The following GSN variants were observed in gnomAD, a reference collection of about 807,000 sequenced individuals.
The protein encoded by GSN is gelsolin.
A neutral mutation model predicts 85.7 loss-of-function variants in GSN; 56 were observed. That is an observed-to-expected ratio of 0.65 (90% confidence interval 0.53 to 0.82). GSN has a LOEUF of 0.82. Ranked by LOEUF, GSN falls within the 40% of genes least tolerant of loss-of-function variation. The probability of loss-of-function intolerance (pLI) is 0.00; values close to 1 mark genes in which losing one functional copy is unlikely to be tolerated. For missense variants in GSN, 857 were observed against 979.8 expected, an observed-to-expected ratio of 0.87 and a Z score of 1.67; for synonymous variants, 373 against 399.1, an observed-to-expected ratio of 0.93 and a Z score of 0.78.
chr9:121,264,673 A>G (rs1588516276), upstream of GSN, among the ~76,000 whole-genome samples: 4 of 151,532 alleles, frequency 2.6e-5, no homozygotes, highest in Admixed American at 2.0e-4. Context: ...TCCCTTCCTC[A>G]CCTCCACTCT....
Position 121,318,851 on chromosome 9 carries a change from A to G in GSN, c.1162A>G (p.Met388Val). 1.2e-6 allele frequency: 2 copies of G among 1,614,032 alleles called. No individual in the cohort carries two copies. Among genetic ancestry groups the G allele is most frequent in the Non-Finnish European group, 1.7e-6 (2 of 1,180,002 alleles). Residue 388 changes from methionine to valine, a missense_variant, in exon 10 of 18, where the codon ATG (methionine) becomes GTG (valine). Physicochemically the swap from Met to Val is conservative, Grantham distance 21. Coordinates refer to ENST00000432226, the MANE Select transcript of GSN (RefSeq NM_198252.3). The surrounding 1 kb of genome is among the most constrained non-coding windows in gnomAD (Gnocchi z 4.3). ...TSTAMAAQHG[M>V]DDDGTGQKQI... ...CACTGCCATGGCCGCCCAGCACGGC[A>G]TGGATGACGATGGCACAGGCCAGAA...
chr9:121,318,469 A>AT lies in GSN; in HGVS notation c.950_951insT (p.Lys317AsnfsTer15). ...AAAACAGCCTCTGACTTCATCACCA[A>AT]GATGGACTACCCCAAGCAGACTCAG... On this transcript the variant is annotated frameshift_variant, in exon 9 of 18. Coordinates refer to ENST00000432226, the MANE Select transcript of GSN (RefSeq NM_198252.3). LOFTEE classifies it high-confidence loss of function. The surrounding 1 kb of genome is among the most constrained non-coding windows in gnomAD (Gnocchi z 4.3). 1 of 1,613,950 alleles carries AT rather than the reference A, an allele frequency of 6.2e-7. No individual in the cohort carries two copies. The highest frequency in any genetic ancestry group is 8.5e-7 in the Non-Finnish European group (1 of 1,179,814).
At position 121,318,809 on chromosome 9, in the gene GSN, G is replaced by A. The variant is rs1301367568; in HGVS notation, c.1120G>A (p.Ala374Thr). 6.8e-6 allele frequency: 11 copies of A among 1,613,950 alleles called. No homozygotes were observed. The highest frequency in any genetic ancestry group is 3.3e-4 in the Middle Eastern group (2 of 6,084). Residue 374 changes from alanine (A) to threonine (T), a missense_variant, in exon 10 of 18, where the codon GCC (alanine) becomes ACC (threonine). Physicochemically the swap from Ala to Thr is moderately conservative, Grantham distance 58. Coordinates refer to ENST00000432226, the MANE Select transcript of GSN (RefSeq NM_198252.3). The surrounding 1 kb of genome is among the most constrained non-coding windows in gnomAD (Gnocchi z 4.3). ...ANVERVPFDA[A>T]TLHTSTAMAA... ...CGTGGAGCGGGTGCCCTTCGACGCC[G>A]CCACCCTGCACACCTCCACTGCCAT...
At chr9:121,305,195 G>A (rs1292859546) in intron 4 of GSN, among the ~76,000 whole-genome samples, 2 of 152,164 alleles carry the variant, frequency 1.3e-5, no homozygotes, top group African/African-American at 4.8e-5. Context: ...AACCCTTACC[G>A]TGTGTTAAGC....
At chr9:121,204,110 C>T (rs1025284709), upstream of GSN, among the ~76,000 whole-genome samples, 1 of 152,208 alleles carries the variant, frequency 6.6e-6, no homozygotes, top group Non-Finnish European at 1.5e-5. Context: ...TTATGTATAG[C>T]TGATGTTTAT....
chr9:121,282,382 G>T (rs1481181604), intron 2 of GSN: 1 of 772,960 alleles, frequency 1.3e-6, no homozygotes, highest in Non-Finnish European at 1.9e-6. Context: ...ATGAGCAATT[G>T]TGCAAGAACC....
intron 2 of GSN, among the ~76,000 whole-genome samples, chr9:121,297,544 C>T (rs1473680848): frequency 6.6e-6 from 1 of 152,098 alleles, no homozygotes; most frequent in Non-Finnish European, 1.5e-5. Flanking sequence ...TGGTGCTTAC[C>T]CTCTGATTTT....
chr9:121,328,769 G>T, intron 14 of GSN, 122 bp from the exon 15 acceptor site: 1 of 1,042,228 alleles, frequency 9.6e-7, no homozygotes, highest in Non-Finnish European at 1.5e-6. Context: ...GGGATTTTTA[G>T]GATGGAGGGA....
intron 1 of GSN, among the ~76,000 whole-genome samples, chr9:121,273,453 C>T (rs895669389): frequency 2.0e-5 from 3 of 151,996 alleles, no homozygotes; most frequent in African/African-American, 7.3e-5. Context: ...TTTCTCCCCA[C>T]CTCCAAGGAC....
chr9:121,206,172 A>G (rs1425421644), upstream of GSN, among the ~76,000 whole-genome samples: 1 of 152,232 alleles, frequency 6.6e-6, no homozygotes, highest in Non-Finnish European at 1.5e-5. Flanking sequence ...AAAAACGAAT[A>G]TATTTTAATG....
chr9:121,236,929 G>T (rs1238701403), intron 5 of GSN, among the ~76,000 whole-genome samples: 3 of 152,136 alleles, frequency 2.0e-5, no homozygotes, highest in Non-Finnish European at 4.4e-5. Flanking sequence ...TTCAGCATCT[G>T]GTAAACACTT....
At position 121,331,446 on chromosome 9, in the gene GSN, C is replaced by A; in HGVS notation, c.2024C>A (p.Ser675Tyr). The change falls in exon 17 of 18, where the codon TCT becomes TAT. Residue 675 changes from serine to tyrosine, a missense_variant and splice_region_variant. Ser to Tyr is a moderately radical substitution (Grantham distance 144). Transcript: ENST00000432226. ...GAAGAAAAGACAGAAGCCTTGACTT[C>A]TGGTGAGGACCCGAGTGCCTGGGGG... is the stretch of plus-strand genomic sequence containing the variant. Reference protein sequence around the residue: ...QEEEKTEALTSAKRYIETDPA... With the variant: ...QEEEKTEALTYAKRYIETDPA... 6.3e-7 allele frequency: 1 copy of A among 1,591,560 alleles called. No homozygotes were observed. Among genetic ancestry groups the A allele is most frequent in the South Asian group, 1.1e-5 (1 of 88,800 alleles).
At chr9:121,224,501 A>G (rs2054235604) in intron 4 of GSN, among the ~76,000 whole-genome samples, 1 of 152,206 alleles carries the variant, frequency 6.6e-6, no homozygotes, top group South Asian at 2.1e-4. Flanking sequence ...TGGTAGAGCT[A>G]TAAACTCAAA....
At chr9:121,235,096 G>A (rs964678537) in intron 5 of GSN, among the ~76,000 whole-genome samples, 4 of 152,166 alleles carry the variant, frequency 2.6e-5, no homozygotes, top group African/African-American at 9.7e-5. Context: ...CTTTCCTAAA[G>A]GAAACCTGGC....
chr9:121,328,990 G>T lies in GSN; in HGVS notation c.1862G>T (p.Cys621Phe), dbSNP rs767748615. 5 of 1,613,898 alleles carry T rather than the reference G, an allele frequency of 3.1e-6. No homozygotes were observed. The highest frequency in any genetic ancestry group is 4.2e-6 in the Non-Finnish European group (5 of 1,180,018). The change falls in exon 15 of 18, where the codon TGC (cysteine) becomes TTC (phenylalanine). Residue 621 changes from cysteine to phenylalanine, a missense_variant. Physicochemically the swap from Cys to Phe is radical, Grantham distance 205. Transcript: ENST00000432226. ...GCCCATCCTCCTCGCCTCTTTGCCTGCTCCAACAAGATTGGACGTTTTGTG... is the reference window on the plus strand; with the variant it reads ...GCCCATCCTCCTCGCCTCTTTGCCTTCTCCAACAAGATTGGACGTTTTGTG... ...MDAHPPRLFA[C>F]SNKIGRFVIE...
chr9:121,263,888 C>T (rs12003966), upstream of GSN, among the ~76,000 whole-genome samples: 792 of 70,568 alleles, frequency 0.011, 15 homozygotes, highest in African/African-American at 0.046. Context: ...AACTCCATCT[C>T]AAAAAAAAAA....
intron 13 of GSN, 135 bp downstream of exon 13, chr9:121,326,817 C>A: frequency 1.2e-6 from 1 of 854,666 alleles, no homozygotes; most frequent in Non-Finnish European, 2.0e-6. Context: ...TTTGTATTTT[C>A]CTGCCGTGGC....
At chr9:121,330,805 C>T (rs1206656826) in intron 16 of GSN, among the ~76,000 whole-genome samples, 3 of 151,862 alleles carry the variant, frequency 2.0e-5, no homozygotes, top group East Asian at 1.9e-4. Context: ...GCACACAGAC[C>T]GGCACATAGT....
intron 2 of GSN, chr9:121,282,310 G>A (rs1313147088): frequency 3.3e-6 from 2 of 607,204 alleles, no homozygotes; most frequent in Non-Finnish European, 2.9e-6. Context: ...CAGTGAGACA[G>A]GAAGGATCAC....
Sources: allele counts gnomAD v4.1 joint callset (sites outside exome capture counted in the v4.1 genomes callset), GRCh38; gene constraint gnomAD v4.1.1; non-coding constraint Gnocchi (gnomAD v3.1); transcripts MANE v1.5; gene names NCBI Gene and HGNC (gene_info 2026-07-23, HGNC 2026-07-21).